The following ANKRD26 variants were observed in gnomAD, a reference collection of about 807,000 sequenced individuals.
The protein encoded by ANKRD26 is ankyrin repeat domain 26.
In ANKRD26, 141 loss-of-function variants were observed where a neutral mutation model predicts 208.7. That is an observed-to-expected ratio of 0.68 (90% CI 0.59 to 0.78). The LOEUF is 0.78. Ranked by LOEUF, ANKRD26 falls within the 30% of genes least tolerant of loss-of-function variation. The pLI is 0.00. For synonymous variants in ANKRD26, 636 were observed against 660.4 expected (o/e 0.96, Z 0.57); for missense variants, 1,889 against 1,938.7 (o/e 0.97, Z 0.48).
chr10:27,046,524 C>T lies in ANKRD26; in HGVS notation c.1815-1G>A, dbSNP rs1232311603. On this transcript the variant is annotated splice_acceptor_variant, in intron 17 of 33. Transcript: ENST00000376087. LOFTEE classifies it high-confidence loss of function. ...CTTCATTTGCAAGGCAGGACCACTACTTTAAAAAATCCATGGGAAATGACA... is the reference window on the plus strand; with the variant it reads ...CTTCATTTGCAAGGCAGGACCACTATTTTAAAAAATCCATGGGAAATGACA... The T allele has an allele frequency of 6.2e-7, 1 of 1,612,882 alleles. No homozygotes were observed. The highest frequency in any genetic ancestry group is 2.2e-5 in the East Asian group (1 of 44,816).
At position 27,053,344 on chromosome 10, in the gene ANKRD26, T is replaced by C. The variant is rs1240976321; in HGVS notation, c.1611A>G (p.Glu537=). ...CCTGTGGCTGGTTATTTTCACTCCC[T>C]TCCCTTTCTTGCTCTTCTTCTGATG... ...EVASEEEQER[E]GSENNQPQVE... Residue 537 remains glutamate, a synonymous_variant, in exon 16 of 34, where the codon GAA becomes GAG. Transcript: ENST00000376087. The C allele has an allele frequency of 1.2e-6, 2 of 1,610,678 alleles. No homozygotes were observed. Among genetic ancestry groups the C allele is most frequent in the Admixed American group, 1.7e-5 (1 of 59,998 alleles).
At position 27,027,194 on chromosome 10, in the gene ANKRD26, T is replaced by A. The variant is rs778449303; in HGVS notation, c.3972+1658A>T. ...GTAATGTCCTGCTGGAGCAGCCATT[T>A]CTACTTTTTCACAGGTTTTTCTTTT... is the stretch of plus-strand genomic sequence containing the variant. On this transcript the variant is annotated intron_variant, in intron 27 of 33. Coordinates refer to ENST00000376087, the MANE Select transcript of ANKRD26 (RefSeq NM_014915.3). 9.4e-4 allele frequency among the ~76,000 whole-genome samples: 143 copies of A among 152,368 alleles called. 1 individual carries two copies. The highest frequency in any genetic ancestry group is 1.6e-3 in the Non-Finnish European group (109 of 68,032).
chr10:27,003,711 C>T (rs574848937), downstream of ANKRD26, among the ~76,000 whole-genome samples: 7 of 152,246 alleles, frequency 4.6e-5, no homozygotes, highest in East Asian at 3.9e-4. Flanking sequence ...AAGCCCCGCC[C>T]GAATGGCACA....
intron 20 of ANKRD26, among the ~76,000 whole-genome samples, chr10:27,041,142 A>G (rs2054225806): frequency 6.6e-6 from 1 of 152,056 alleles, no homozygotes; most frequent in Admixed American, 6.6e-5. Flanking sequence ...GGGAGGAAAA[A>G]CTGACATAAA....
the ANKRD26 span, among the ~76,000 whole-genome samples, chr10:26,960,622 A>G: frequency 2.0e-5 from 3 of 152,218 alleles, no homozygotes; most frequent in African/African-American, 7.2e-5. Context: ...GTTCATTACA[A>G]CATGTTGGTA....
At chr10:27,093,284 A>T in intron 3 of ANKRD26, 65 bp downstream of exon 3, 1 of 1,472,532 alleles carries the variant, frequency 6.8e-7, no homozygotes, top group Non-Finnish European at 9.4e-7. Context: ...ACTAACCCTT[A>T]CATATGTCAC....
Position 27,082,723 on chromosome 10 carries a change from T to C in ANKRD26, c.740+80A>G, listed in dbSNP as rs2055969778. On this transcript the variant is annotated intron_variant, in intron 6 of 33. Coordinates refer to ENST00000376087, the MANE Select transcript of ANKRD26 (RefSeq NM_014915.3). ...ATATGGAGAAGCACATAATATGGTG[T>C]CTACCCAGAGTAGGGCACTCAACAG... 11 of 1,502,728 alleles carry C rather than the reference T, an allele frequency of 7.3e-6. No homozygotes were observed. In the South Asian group the frequency reaches 1.4e-4, roughly 19 times the overall value. 93.1% of individuals were successfully genotyped at this position (1,502,728 alleles called of 1,614,324 possible).
intron 15 of ANKRD26, among the ~76,000 whole-genome samples, chr10:27,059,984 G>A (rs1045509982): frequency 1.3e-5 from 2 of 152,116 alleles, no homozygotes; most frequent in East Asian, 1.9e-4. Context: ...TGGATCACCC[G>A]AGATCAGGAG....
At chr10:26,958,523 T>G in the ANKRD26 span, among the ~76,000 whole-genome samples, 3 of 152,156 alleles carry the variant, frequency 2.0e-5, no homozygotes, top group Non-Finnish European at 4.4e-5. Context: ...TGTCCATATG[T>G]TCTCAGACTA....
chr10:27,078,643 A>C (rs902254953), intron 7 of ANKRD26, among the ~76,000 whole-genome samples: 1 of 152,186 alleles, frequency 6.6e-6, no homozygotes, highest in African/African-American at 2.4e-5. Flanking sequence ...TTTAATTTTA[A>C]GTCATCCAAT....
chr10:27,075,606 T>C (rs1018518117), intron 9 of ANKRD26, among the ~76,000 whole-genome samples: 2 of 152,158 alleles, frequency 1.3e-5, no homozygotes, highest in South Asian at 2.1e-4. Context: ...CAATTACTAC[T>C]AGACCTAAGA....
At chr10:26,974,433 C>T (rs761256229) in exon 6 of ANKRD26, among the ~76,000 whole-genome samples, 2 of 151,544 alleles carry the variant, frequency 1.3e-5, no homozygotes, top group African/African-American at 2.4e-5. Flanking sequence ...CTCTGCCTCC[C>T]GGGTTCACAC....
chr10:26,971,332 G>C (rs922087666), downstream of ANKRD26, among the ~76,000 whole-genome samples: 1 of 152,036 alleles, frequency 6.6e-6, no homozygotes, highest in Non-Finnish European at 1.5e-5. Flanking sequence ...ACAGTGAGCC[G>C]AGATTGCTCC....
chr10:26,963,991 A>G, the ANKRD26 span, among the ~76,000 whole-genome samples: 10 of 135,130 alleles, frequency 7.4e-5, no homozygotes, highest in African/African-American at 2.9e-4. Context: ...GGCTTACTGC[A>G]ACCTCTGTCT....
chr10:26,954,279 A>C, the ANKRD26 span, among the ~76,000 whole-genome samples: 5 of 152,112 alleles, frequency 3.3e-5, no homozygotes, highest in Non-Finnish European at 7.3e-5. Flanking sequence ...AATTGGCATT[A>C]CTCCAGACAG....
chr10:27,043,003 A>G (rs12240377), intron 20 of ANKRD26, among the ~76,000 whole-genome samples: 2 of 151,470 alleles, frequency 1.3e-5, no homozygotes, highest in East Asian at 1.9e-4. Context: ...GAAAAAAAGC[A>G]TAAGAGGAAA....
chr10:27,041,053 AAAAC>A (rs1331120073), intron 20 of ANKRD26, among the ~76,000 whole-genome samples: 2 of 151,736 alleles, frequency 1.3e-5, no homozygotes, highest in Admixed American at 1.3e-4. Context: ...AAAAGAAAAG[AAAAC>A]AAACAAAGGA....
At chr10:26,950,938 A>G in the ANKRD26 span, among the ~76,000 whole-genome samples, 3 of 144,336 alleles carry the variant, frequency 2.1e-5, no homozygotes, top group South Asian at 4.3e-4. Flanking sequence ...AATGGCCACT[A>G]TTTCTTCTAT....
At chr10:26,981,780 C>A (rs1339242790) in intron 4 of ANKRD26, among the ~76,000 whole-genome samples, 1 of 152,166 alleles carries the variant, frequency 6.6e-6, no homozygotes. Flanking sequence ...GTGTGTCAGA[C>A]CCAATGGGTT....
Sources: allele counts gnomAD v4.1 joint callset (sites outside exome capture counted in the v4.1 genomes callset), GRCh38; gene constraint gnomAD v4.1.1; transcripts MANE v1.5; gene names NCBI Gene and HGNC (gene_info 2026-07-23, HGNC 2026-07-21).